The following CAST variants were observed in gnomAD, a reference collection of about 807,000 sequenced individuals.
CAST encodes MIR583 host.
Under a neutral mutation model 119.6 loss-of-function variants are expected in CAST, and 76 were observed. That is an observed-to-expected ratio of 0.64 (90% confidence interval 0.53 to 0.77). The LOEUF (loss-of-function observed/expected upper bound fraction) is 0.77. Ranked by LOEUF, CAST falls within the 30% of genes least tolerant of loss-of-function variation. CAST has a pLI of 0.00. For missense variants in CAST, 953 were observed against 946.5 expected (o/e 1.01, Z -0.09); for synonymous variants, 319 against 331.6 (o/e 0.96, Z 0.41).
intron 1 of CAST, among the ~76,000 whole-genome samples, chr5:96,553,872 G>T (rs896473004): frequency 1.3e-5 from 2 of 152,164 alleles, no homozygotes; most frequent in African/African-American, 4.8e-5. Context: ...TCTTCAAGGA[G>T]AACTACAAAC....
At chr5:96,337,607 A>G in the CAST span, among the ~76,000 whole-genome samples, 20 of 152,322 alleles carry the variant, frequency 1.3e-4, no homozygotes, top group East Asian at 1.3e-3. Context: ...CACCAGCTGG[A>G]TCTTCTGTAA....
the CAST span, among the ~76,000 whole-genome samples, chr5:96,079,766 T>C: frequency 6.6e-6 from 1 of 152,196 alleles, no homozygotes; most frequent in Admixed American, 6.5e-5. Flanking sequence ...ATCTTGGTTA[T>C]TATTATTTTT....
the CAST span, chr5:96,393,492 G>C: frequency 8.1e-7 from 1 of 1,234,128 alleles, no homozygotes; most frequent in Non-Finnish European, 1.2e-6. Context: ...GCAATGAGGG[G>C]AGGGGAGAGA....
the CAST span, among the ~76,000 whole-genome samples, chr5:96,111,256 A>G: frequency 6.6e-6 from 1 of 152,370 alleles, no homozygotes; most frequent in African/African-American, 2.4e-5. Context: ...ATAGGTTCAT[A>G]GGACAAAGTC....
chr5:96,693,419 T>A (rs1005456260), intron 2 of CAST, among the ~76,000 whole-genome samples: 1 of 152,256 alleles, frequency 6.6e-6, no homozygotes, highest in African/African-American at 2.4e-5. Context: ...TTGTAAGTAG[T>A]GGAATCCATT....
the CAST span, among the ~76,000 whole-genome samples, chr5:96,435,093 C>G: frequency 6.6e-6 from 1 of 152,180 alleles, no homozygotes; most frequent in Non-Finnish European, 1.5e-5. Context: ...GTTTCATTCT[C>G]ACAGCAGACA....
intron 1 of CAST, among the ~76,000 whole-genome samples, chr5:96,576,644 A>T (rs1358561634): frequency 6.6e-6 from 1 of 152,064 alleles, no homozygotes; most frequent in Admixed American, 6.6e-5. Context: ...CGCACCTGAC[A>T]TATATCTAAA....
chr5:96,355,076 A>G, the CAST span, among the ~76,000 whole-genome samples: 3 of 151,980 alleles, frequency 2.0e-5, no homozygotes, highest in Admixed American at 6.5e-5. Flanking sequence ...GGTTTTTTAC[A>G]TAGGTATAAA....
chr5:96,061,790 G>A, the CAST span, among the ~76,000 whole-genome samples: 1 of 152,132 alleles, frequency 6.6e-6, no homozygotes, highest in South Asian at 2.1e-4. Context: ...GGAGGTCTGG[G>A]GAGAAGAATA....
At chr5:96,067,880 A>C in the CAST span, among the ~76,000 whole-genome samples, 15 of 152,272 alleles carry the variant, frequency 9.9e-5, no homozygotes, top group African/African-American at 3.6e-4. Context: ...CTTAAAAAAA[A>C]AAAAAACTTG....
intron 3 of CAST, among the ~76,000 whole-genome samples, chr5:96,696,686 T>A (rs1414206428): frequency 5.1e-5 from 5 of 97,196 alleles, no homozygotes; most frequent in Non-Finnish European, 1.1e-4. Context: ...CTTTCTCTCC[T>A]AAAAAAAAAA....
At chr5:96,342,429 CT>C in the CAST span, among the ~76,000 whole-genome samples, 1 of 152,156 alleles carries the variant, frequency 6.6e-6, no homozygotes, top group East Asian at 1.9e-4. Context: ...GGATTGGGGC[CT>C]GAGAATTTAC....
chr5:96,392,838 GCTCATCCCCT>G, the CAST span: 1 of 716,404 alleles, frequency 1.4e-6, no homozygotes, highest in Non-Finnish European at 2.4e-6. Flanking sequence ...TCCTGCTTGA[GCTCATCCCCT>G]TCACATGTAC....
chr5:96,565,385 T>A (rs1746448013), intron 1 of CAST, among the ~76,000 whole-genome samples: 1 of 152,130 alleles, frequency 6.6e-6, no homozygotes, highest in Non-Finnish European at 1.5e-5. Context: ...CACATATATA[T>A]ATATACAACT....
chr5:96,040,168 C>G, the CAST span, among the ~76,000 whole-genome samples: 1 of 152,104 alleles, frequency 6.6e-6, no homozygotes, highest in Non-Finnish European at 1.5e-5. Flanking sequence ...ATTTGGCTCT[C>G]TGTTTGTCTG....
intron 1 of CAST, among the ~76,000 whole-genome samples, chr5:96,545,964 A>C (rs1209899276): frequency 6.6e-6 from 1 of 152,176 alleles, no homozygotes; most frequent in Admixed American, 6.5e-5. Context: ...TGTTCCTTCT[A>C]AGTCACTGAC....
At chr5:96,398,727 C>CA in the CAST span, 2 of 703,532 alleles carry the variant, frequency 2.8e-6, no homozygotes, top group Non-Finnish European at 5.0e-6. Flanking sequence ...GGAGATCTAA[C>CA]ACCAAGAAAA....
intron 1 of CAST, among the ~76,000 whole-genome samples, chr5:96,582,334 A>T (rs1746784776): frequency 6.6e-6 from 1 of 152,226 alleles, no homozygotes. Context: ...TTTCATTTAG[A>T]TACATAATAA....
At chr5:96,052,168 G>C in the CAST span, among the ~76,000 whole-genome samples, 5 of 152,308 alleles carry the variant, frequency 3.3e-5, no homozygotes, top group East Asian at 9.6e-4. Context: ...CTGATTGATG[G>C]AGTTAGTGCA....
Sources: allele counts gnomAD v4.1 joint callset (sites outside exome capture counted in the v4.1 genomes callset), GRCh38; gene constraint gnomAD v4.1.1; transcripts MANE v1.5; gene names NCBI Gene and HGNC (gene_info 2026-07-23, HGNC 2026-07-21).